Variants in FMN1 observed in about 807,000 individuals in gnomAD.
The protein encoded by FMN1 is formin-1.
A neutral mutation model predicts 132.4 loss-of-function variants in FMN1; 110 were observed. The ratio of observed to expected loss-of-function variants is 0.83; its 90% CI spans 0.71 to 0.97. The LOEUF (loss-of-function observed/expected upper bound fraction) is 0.97, where lower values mean the gene tolerates loss of function less well. FMN1 is among the 50% of genes least tolerant of loss of function. The pLI, the probability that FMN1 is intolerant of heterozygous loss-of-function variation, is 0.00. For missense variants in FMN1, 1,792 were observed against 1,705.3 expected (o/e 1.05, Z -0.90); for synonymous variants, 722 against 651.7 (o/e 1.11, Z -1.64).
chr15:32,886,481 A>C (rs1400789849), intron 16 of FMN1, among the ~76,000 whole-genome samples: 4 of 152,192 alleles, frequency 2.6e-5, no homozygotes, highest in African/African-American at 7.2e-5. Context: ...AGACAAAAGA[A>C]GGTGTACCAA....
At chr15:32,784,495 C>T (rs1205873526) in intron 19 of FMN1, among the ~76,000 whole-genome samples, 2 of 151,998 alleles carry the variant, frequency 1.3e-5, no homozygotes. Context: ...AAAGCTTCTT[C>T]CTAAAGAACT....
At chr15:33,106,338 T>C (rs559297128) in intron 4 of FMN1, 1 of 151,644 alleles carries the variant, frequency 6.6e-6, no homozygotes, top group Non-Finnish European at 1.5e-5. Context: ...GCAACGAGAA[T>C]GCCAAAATTT....
intron 19 of FMN1, among the ~76,000 whole-genome samples, chr15:32,798,562 C>T (rs1375024178): frequency 6.6e-6 from 1 of 152,186 alleles, no homozygotes; most frequent in Middle Eastern, 3.2e-3. Context: ...CATTTACTAG[C>T]TAGTAATTGG....
In FMN1 at chr15:32,991,281, A is replaced by T. The variant is rs2033418650; in HGVS notation, c.2223+16733T>A. Among the ~76,000 whole-genome samples, 3 of 152,256 alleles carry T rather than the reference A, an allele frequency of 2.0e-5. No homozygotes were observed. In the South Asian group the frequency reaches 6.2e-4, roughly 32 times the overall value. On this transcript the variant is annotated intron_variant, in intron 7 of 20. Transcript: ENST00000616417. ...TCTACATTCTCAGGAATACTTTCTC[A>T]TCAACTTATTCCTTCTGGCCAGCTC... is the stretch of plus-strand genomic sequence containing the variant.
chr15:32,950,525 T>A (rs928853930), intron 9 of FMN1, among the ~76,000 whole-genome samples: 4 of 152,138 alleles, frequency 2.6e-5, no homozygotes, highest in East Asian at 1.9e-4. Context: ...TAAAATGAGA[T>A]CATGACTTTG....
intron 4 of FMN1, among the ~76,000 whole-genome samples, chr15:33,097,389 T>C (rs560790477): frequency 6.6e-6 from 1 of 151,030 alleles, no homozygotes; most frequent in Non-Finnish European, 1.5e-5. Flanking sequence ...ATTTTCCAAA[T>C]TTGAAGAAAA....
At chr15:33,176,016 A>G (rs1390004698) in intron 3 of FMN1, among the ~76,000 whole-genome samples, 1 of 152,172 alleles carries the variant, frequency 6.6e-6, no homozygotes, top group Non-Finnish European at 1.5e-5. Flanking sequence ...TTGCTGAAGA[A>G]AGTTTGAGAG....
intron 19 of FMN1, among the ~76,000 whole-genome samples, chr15:32,780,652 G>T (rs537537051): frequency 6.6e-6 from 1 of 152,236 alleles, no homozygotes; most frequent in East Asian, 1.9e-4. Context: ...TGAGATCCAA[G>T]AACCCTCTTT....
intron 18 of FMN1, 62 bp from the exon 19 acceptor site, chr15:32,799,015 C>T: frequency 6.8e-7 from 1 of 1,460,494 alleles, no homozygotes; most frequent in Non-Finnish European, 9.3e-7. Context: ...ACACTAAAAT[C>T]CATTAGAGGG....
Position 32,793,493 on chromosome 15 carries a change from C to G in FMN1, c.4130+5311G>C, listed in dbSNP as rs534076126. The stretch of plus-strand genomic sequence containing the variant: ...ATGAGGTTTCACCATGTTGGCCAGG[C>G]TGATCTTGAACGCCTGACCTCAGGT... On this transcript the variant is annotated intron_variant, in intron 19 of 20. Coordinates refer to ENST00000616417, the MANE Select transcript of FMN1 (RefSeq NM_001277313.2). Among the ~76,000 whole-genome samples the G allele has an allele frequency of 7.2e-5, 11 of 152,248 alleles. No homozygotes were observed. The East Asian group carries it at 1.9e-3, about 27-fold the overall frequency.
chr15:32,969,587 A>C lies in FMN1; in HGVS notation c.2224-110T>G, dbSNP rs56316204. The C allele has an allele frequency of 6.4e-3, 7,539 of 1,175,284 alleles. 224 individuals are homozygous for C. The African/African-American group carries it at 0.077, about 12-fold the overall frequency. The allele number at this position is 1,175,284 out of a possible 1,614,324, so 72.8% of individuals were successfully genotyped here. A position where few individuals can be genotyped will look rare whatever the true frequency, so the allele number is the denominator to read the frequency against. ...GTGCCACTGTAGCATGGCCCACATA[A>C]ATGCAGGGAAATACAGAGACATTCT... is the stretch of plus-strand genomic sequence containing the variant. On this transcript the variant is annotated intron_variant, in intron 7 of 20. Coordinates refer to ENST00000616417, the MANE Select transcript of FMN1 (RefSeq NM_001277313.2).
Position 33,128,726 on chromosome 15 carries a change from C to T in FMN1, c.1867+24322G>A, listed in dbSNP as rs1022935742. Reference sequence around the variant, plus strand: ...CGGACCCTCACGGTAAGTGTGACAGCTCTTAAAGGTGATGTGGTGAATTTT... The same window carrying T: ...CGGACCCTCACGGTAAGTGTGACAGTTCTTAAAGGTGATGTGGTGAATTTT... On this transcript the variant is annotated intron_variant, in intron 4 of 20. Coordinates refer to ENST00000616417, the MANE Select transcript of FMN1 (RefSeq NM_001277313.2). Among the ~76,000 whole-genome samples the T allele has an allele frequency of 3.3e-5, 5 of 152,322 alleles. No homozygotes were observed. In the South Asian group the frequency reaches 6.2e-4, roughly 19 times the overall value.
intron 4 of FMN1, among the ~76,000 whole-genome samples, chr15:33,102,227 T>C (rs2039321791): frequency 6.6e-6 from 1 of 152,148 alleles, no homozygotes. Context: ...TAAGTATTAC[T>C]GAGCAAGTTC....
At chr15:33,061,252 T>A (rs1166282580) in intron 6 of FMN1, among the ~76,000 whole-genome samples, 1 of 152,218 alleles carries the variant, frequency 6.6e-6, no homozygotes, top group African/African-American at 2.4e-5. Context: ...AGTCAAGCCC[T>A]GTCCCTGGGG....
intron 7 of FMN1, among the ~76,000 whole-genome samples, chr15:32,993,674 T>G (rs1173339269): frequency 5.9e-5 from 9 of 152,230 alleles, no homozygotes; most frequent in Admixed American, 5.9e-4. Context: ...AGAATCAAGC[T>G]GTACACATTT....
chr15:33,012,770 G>C, intron 6 of FMN1: 1 of 719,442 alleles, frequency 1.4e-6, no homozygotes, highest in Non-Finnish European at 2.6e-6. Flanking sequence ...TTTGGTTATG[G>C]AGAAAACTTC....
chr15:33,109,276 T>C (rs933386686), intron 4 of FMN1, among the ~76,000 whole-genome samples: 1 of 152,114 alleles, frequency 6.6e-6, no homozygotes, highest in Admixed American at 6.6e-5. Flanking sequence ...TATAGTTTCC[T>C]TACTTTTGTC....
rs1965035291 is a variant in FMN1 at position 33,164,863 on chromosome 15, G to A, written c.-131-9818C>T. Among the ~76,000 whole-genome samples, 5 of 152,184 alleles carry A rather than the reference G, an allele frequency of 3.3e-5. No homozygotes were observed. The South Asian group carries it at 1.0e-3, about 32-fold the overall frequency. ...TGAAATATTCTGATACAGGCATATAGTGCATAATAATCACATCAGGGTAAA... is the reference window on the plus strand; with the variant it reads ...TGAAATATTCTGATACAGGCATATAATGCATAATAATCACATCAGGGTAAA... On this transcript the variant is annotated intron_variant, in intron 3 of 20. Transcript: ENST00000616417.
rs77464147 is a variant in FMN1 at position 32,933,499 on chromosome 15, T to C, written c.3139-7238A>G. The stretch of plus-strand genomic sequence containing the variant: ...TCCATTATGTCCATTTGGTATATAG[T>C]GTTGCTCAAGTCCTCTGTTTCCTTA... On this transcript the variant is annotated intron_variant, in intron 9 of 20. Coordinates refer to ENST00000616417, the MANE Select transcript of FMN1 (RefSeq NM_001277313.2). 3.6e-3 allele frequency among the ~76,000 whole-genome samples: 552 copies of C among 152,310 alleles called. 4 individuals carry two copies. The highest frequency in any genetic ancestry group is 0.013 in the African/African-American group (536 of 41,582).
Sources: allele counts gnomAD v4.1 joint callset (sites outside exome capture counted in the v4.1 genomes callset), GRCh38; gene constraint gnomAD v4.1.1; transcripts MANE v1.5; gene names NCBI Gene and HGNC (gene_info 2026-07-23, HGNC 2026-07-21).